BRINP3: variants seen among roughly 807,000 people sequenced by gnomAD.
The protein encoded by BRINP3 is BMP/retinoic acid inducible neural specific 3.
A neutral mutation model predicts 71.0 loss-of-function variants in BRINP3; 19 were observed. The observed-to-expected ratio is 0.27, with a 90% confidence interval of 0.19 to 0.39. The LOEUF is 0.39. Among genes scored for constraint, BRINP3 ranks in the 10% least tolerant of loss-of-function variants. BRINP3 has a pLI of 1.00. For missense variants in BRINP3, 959 were observed against 940.8 expected, an observed-to-expected ratio of 1.02 and a Z score of -0.25; for synonymous variants, 380 against 337.7, an observed-to-expected ratio of 1.13 and a Z score of -1.37.
chr1:190,435,017 T>A (rs932006118), intron 2 of BRINP3, among the ~76,000 whole-genome samples: 2 of 152,158 alleles, frequency 1.3e-5, no homozygotes, highest in African/African-American at 4.8e-5. Flanking sequence ...CCTTGATTAT[T>A]TTAGATGGAG....
intron 6 of BRINP3, among the ~76,000 whole-genome samples, chr1:190,178,533 A>C (rs1043688904): frequency 1.3e-5 from 2 of 152,168 alleles, no homozygotes; most frequent in African/African-American, 4.8e-5. Flanking sequence ...GAGTAGAGAA[A>C]GCTATCTAAG....
chr1:190,390,573 G>T (rs1571930183), intron 2 of BRINP3, among the ~76,000 whole-genome samples: 1 of 151,756 alleles, frequency 6.6e-6, no homozygotes, highest in Admixed American at 6.6e-5. Context: ...CAGGTGGGAT[G>T]CATGGTAGAG....
At chr1:190,176,789 T>C in intron 6 of BRINP3, among the ~76,000 whole-genome samples, 1 of 152,146 alleles carries the variant, frequency 6.6e-6, no homozygotes, top group East Asian at 1.9e-4. Context: ...ATGTGTCCCT[T>C]AGGCTTTCTC....
intron 2 of BRINP3, among the ~76,000 whole-genome samples, chr1:190,313,238 G>A (rs531016037): frequency 6.6e-6 from 1 of 151,988 alleles, no homozygotes; most frequent in East Asian, 1.9e-4. Context: ...TTTAAGAGAA[G>A]CTGATAAGGT....
At chr1:190,342,159 T>G (rs1191379365) in intron 2 of BRINP3, among the ~76,000 whole-genome samples, 1 of 151,620 alleles carries the variant, frequency 6.6e-6, no homozygotes, top group Non-Finnish European at 1.5e-5. Flanking sequence ...CCATTTCTAC[T>G]TATAAGAATT....
At chr1:190,180,597 A>T (rs1378501551) in intron 6 of BRINP3, among the ~76,000 whole-genome samples, 1 of 152,110 alleles carries the variant, frequency 6.6e-6, no homozygotes, top group East Asian at 1.9e-4. Flanking sequence ...GTAATAAAGT[A>T]GCCACCTAAG....
At chr1:190,126,643 C>A (rs1654110265) in intron 7 of BRINP3, among the ~76,000 whole-genome samples, 1 of 151,842 alleles carries the variant, frequency 6.6e-6, no homozygotes. Context: ...GGCCAGCTGG[C>A]CACATCTTTC....
At chr1:190,315,446 C>T (rs910046633) in intron 2 of BRINP3, among the ~76,000 whole-genome samples, 1 of 152,054 alleles carries the variant, frequency 6.6e-6, no homozygotes, top group African/African-American at 2.4e-5. Context: ...GCAGATAACA[C>T]CAGACAACTA....
chr1:190,374,744 A>C (rs1670081654), intron 2 of BRINP3, among the ~76,000 whole-genome samples: 1 of 152,000 alleles, frequency 6.6e-6, no homozygotes, highest in South Asian at 2.1e-4. Flanking sequence ...TGAAAAATGA[A>C]AAACATTCAT....
chr1:190,240,932 ATATCTT>A (rs1165591539), intron 4 of BRINP3, among the ~76,000 whole-genome samples: 1 of 150,688 alleles, frequency 6.6e-6, no homozygotes, highest in Non-Finnish European at 1.5e-5. Context: ...AAATATAAAA[ATATCTT>A]TAATTTATTT....
At chr1:190,130,056 C>A (rs976833092) in intron 7 of BRINP3, among the ~76,000 whole-genome samples, 9 of 151,964 alleles carry the variant, frequency 5.9e-5, no homozygotes, top group Admixed American at 5.9e-4. Context: ...GGAAAAAATT[C>A]TAGCATCGTG....
intron 1 of BRINP3, among the ~76,000 whole-genome samples, chr1:190,474,963 G>C (rs1460094562): frequency 6.6e-6 from 1 of 151,504 alleles, no homozygotes; most frequent in Non-Finnish European, 1.5e-5. Context: ...AAAATAAAAG[G>C]CCAACTTTAA....
At chr1:190,121,188 TTTACTTGG>T (rs1653620833) in intron 7 of BRINP3, among the ~76,000 whole-genome samples, 1 of 152,120 alleles carries the variant, frequency 6.6e-6, no homozygotes, top group African/African-American at 2.4e-5. Flanking sequence ...GGAGCTATAG[TTTACTTGG>T]TTAAGAGCAG....
At chr1:190,401,939 T>C (rs551049983) in intron 2 of BRINP3, among the ~76,000 whole-genome samples, 87 of 152,090 alleles carry the variant, frequency 5.7e-4, no homozygotes, top group African/African-American at 2.0e-3. Context: ...ACTATATATA[T>C]ATATATTTGA....
chr1:190,191,549 T>C (rs919625105), intron 6 of BRINP3, among the ~76,000 whole-genome samples: 1 of 152,112 alleles, frequency 6.6e-6, no homozygotes, highest in East Asian at 1.9e-4. Context: ...GATGATGGCC[T>C]CCAGCTTCAT....
intron 2 of BRINP3, among the ~76,000 whole-genome samples, chr1:190,306,774 A>T (rs1038120709): frequency 6.6e-6 from 1 of 151,906 alleles, no homozygotes; most frequent in Non-Finnish European, 1.5e-5. Flanking sequence ...GGTTAAAGAG[A>T]CCAGGGAAAA....
chr1:190,277,115 A>ATATATATATATATATATATATT (rs1212564236), intron 3 of BRINP3, among the ~76,000 whole-genome samples: 35 of 129,276 alleles, frequency 2.7e-4, no homozygotes, highest in African/African-American at 9.4e-4. Flanking sequence ...ATATATATAT[A>ATATATATATATATATATATATT]TATTTATATT....
chr1:190,133,132 G>T (rs1654677815), intron 7 of BRINP3, among the ~76,000 whole-genome samples: 1 of 152,010 alleles, frequency 6.6e-6, no homozygotes. Flanking sequence ...GAAACTATGA[G>T]ATAATAAATG....
chr1:190,190,154 C>T (rs1653907144), intron 6 of BRINP3, among the ~76,000 whole-genome samples: 1 of 152,034 alleles, frequency 6.6e-6, no homozygotes, highest in Non-Finnish European at 1.5e-5. Flanking sequence ...TTTCCTGGCA[C>T]CAGGGAGGGC....
Sources: allele counts gnomAD v4.1 joint callset (sites outside exome capture counted in the v4.1 genomes callset), GRCh38; gene constraint gnomAD v4.1.1; transcripts MANE v1.5; gene names NCBI Gene and HGNC (gene_info 2026-07-23, HGNC 2026-07-21).